MAP3K15: variants seen among roughly 807,000 people sequenced by gnomAD.
The protein encoded by MAP3K15 is MAPK/ERK kinase kinase 15.
Under a neutral mutation model 99.5 loss-of-function variants are expected in MAP3K15, and 124 were observed. The observed-to-expected ratio is 1.25, with a 90% CI of 1.08 to 1.45. MAP3K15 has a LOEUF of 1.45. Among genes scored for constraint, MAP3K15 ranks in the 40% most tolerant of loss-of-function variants. MAP3K15 has a pLI of 0.00. For missense variants in MAP3K15, 1,242 were observed against 1,079.7 expected (o/e 1.15, Z -2.11); for synonymous variants, 494 against 439.6 (o/e 1.12, Z -1.55).
In MAP3K15 at chrX:19,362,857, T is replaced by TA. The variant is rs34487219; in HGVS notation, c.3567-8dup. ...AACTAGGTGTTCCAAAAGTCTGGTT[T>TA]AAAAAAAAAAAAAAAAAGCCATTAT... On this transcript the variant is annotated splice_region_variant and splice_polypyrimidine_tract_variant and intron_variant, in intron 25 of 28. Transcript: ENST00000338883. The TA allele has an allele frequency of 0.018, 13,967 of 765,947 alleles. 1 individual carries two copies. Among genetic ancestry groups the TA allele is most frequent in the Non-Finnish European group, 0.022 (11,825 of 537,981 alleles). The allele number at this position is 765,947 out of a possible 1,213,427, so 63.1% of individuals were successfully genotyped here. A position where few individuals can be genotyped will look rare whatever the true frequency, so the allele number is the denominator to read the frequency against.
At chrX:19,374,298 G>T (rs1166177544) in intron 20 of MAP3K15, among the ~76,000 whole-genome samples, 179 bp downstream of exon 20, 2 of 111,535 alleles carry the variant, frequency 1.8e-5, no homozygotes, top group Non-Finnish European at 3.8e-5. Context: ...TGTATTAGTT[G>T]GATTTTGACA....
At chrX:19,474,314 G>A (rs991793615) in intron 3 of MAP3K15, among the ~76,000 whole-genome samples, 1 of 111,167 alleles carries the variant, frequency 9.0e-6, no homozygotes, top group African/African-American at 3.3e-5. Context: ...GAGGGCCAAG[G>A]ATTGAATTCC....
chrX:19,495,744 G>A (rs182109192), intron 1 of MAP3K15, among the ~76,000 whole-genome samples: 1 of 111,570 alleles, frequency 9.0e-6, no homozygotes, highest in Admixed American at 9.6e-5. Flanking sequence ...TTCATCTTTT[G>A]CAAATACATA....
intron 1 of MAP3K15, among the ~76,000 whole-genome samples, chrX:19,489,578 G>C (rs1246587782): frequency 3.6e-5 from 4 of 111,038 alleles, no homozygotes; most frequent in Non-Finnish European, 7.5e-5. Flanking sequence ...TCATAAATTG[G>C]ATTAGTGCAC....
intron 6 of MAP3K15, among the ~76,000 whole-genome samples, chrX:19,447,149 C>T (rs982893343): frequency 1.8e-5 from 2 of 111,194 alleles, no homozygotes; most frequent in Non-Finnish European, 3.8e-5. Flanking sequence ...GACTCCTGAC[C>T]TCAGGAGTTG....
intron 13 of MAP3K15, among the ~76,000 whole-genome samples, chrX:19,405,793 G>A: frequency 8.9e-6 from 1 of 112,283 alleles, no homozygotes; most frequent in Non-Finnish European, 1.9e-5. Context: ...TATGCATAGA[G>A]CGAGAATGTA....
intron 2 of MAP3K15, among the ~76,000 whole-genome samples, chrX:19,488,245 G>A (rs999285954): frequency 8.9e-6 from 1 of 111,816 alleles, no homozygotes; most frequent in Non-Finnish European, 1.9e-5. Flanking sequence ...ACCCAAAAAA[G>A]CTTGTCTCAA....
intron 19 of MAP3K15, among the ~76,000 whole-genome samples, chrX:19,377,637 C>G (rs776655850): frequency 8.9e-6 from 1 of 112,281 alleles, no homozygotes; most frequent in South Asian, 3.7e-4. Context: ...TCGAGCCAGT[C>G]ACAGCCTTCA....
intron 9 of MAP3K15, among the ~76,000 whole-genome samples, chrX:19,416,918 T>C (rs1199726902): frequency 8.9e-6 from 1 of 111,960 alleles, no homozygotes; most frequent in African/African-American, 3.2e-5. Flanking sequence ...AATTTCAAAC[T>C]CATTTTCTTT....
At chrX:19,455,091 G>C (rs1234887376) in intron 6 of MAP3K15, among the ~76,000 whole-genome samples, 1 of 111,317 alleles carries the variant, frequency 9.0e-6, no homozygotes, top group East Asian at 2.8e-4. Context: ...CAATCCCATA[G>C]AAAATCCTTA....
intron 11 of MAP3K15, among the ~76,000 whole-genome samples, chrX:19,412,533 C>T (rs910217060): frequency 2.7e-5 from 3 of 110,617 alleles, no homozygotes; most frequent in Admixed American, 9.6e-5. Flanking sequence ...CAGGAGCTCC[C>T]GCAGGGACAG....
chrX:19,430,506 G>A (rs1364187026), intron 7 of MAP3K15, among the ~76,000 whole-genome samples: 2 of 111,990 alleles, frequency 1.8e-5, no homozygotes, highest in East Asian at 2.8e-4. Context: ...ATTGCTGTTC[G>A]AAGCTGCTAA....
intron 10 of MAP3K15, chrX:19,414,479 T>C (rs888598293): frequency 1.5e-5 from 2 of 133,868 alleles, no homozygotes; most frequent in African/African-American, 6.4e-5. Context: ...AACACAATTA[T>C]CTGAAGTTCA....
Position 19,459,996 on chromosome X carries a change from G to T in MAP3K15, c.877C>A (p.Arg293Ser). Residue 293 changes from arginine to serine, a missense_variant, in exon 5 of 29, where the codon CGT becomes AGT. Coordinates refer to ENST00000338883, the MANE Select transcript of MAP3K15 (RefSeq NM_001001671.4). ...DIIINLLLSYRDIQDYDAMVK... is the reference protein window; with the variant it reads ...DIIINLLLSYSDIQDYDAMVK... ...GGTGGATTTCATACCTGGATATCAC[G>T]GTAGGACAGGAGTAAGTTAATGATG... is the stretch of plus-strand genomic sequence containing the variant. 1 of 1,157,890 alleles carries T rather than the reference G, an allele frequency of 8.6e-7. No homozygotes were observed. Among genetic ancestry groups the T allele is most frequent in the Non-Finnish European group, 1.1e-6 (1 of 873,257 alleles).
intron 1 of MAP3K15, among the ~76,000 whole-genome samples, chrX:19,509,921 T>C (rs1277902363): frequency 3.6e-5 from 4 of 111,604 alleles, no homozygotes; most frequent in Non-Finnish European, 1.9e-5. Flanking sequence ...CAATCACCAC[T>C]GATCCCATGG....
intron 3 of MAP3K15, among the ~76,000 whole-genome samples, chrX:19,478,210 G>T (rs1380480880): frequency 1.4e-5 from 1 of 71,674 alleles, no homozygotes; most frequent in African/African-American, 5.8e-5. Flanking sequence ...GAGAGAAAGA[G>T]GGAGGGAGAG....
chrX:19,485,849 A>C (rs1301679541), intron 3 of MAP3K15, among the ~76,000 whole-genome samples: 2 of 111,455 alleles, frequency 1.8e-5, no homozygotes, highest in Non-Finnish European at 3.8e-5. Flanking sequence ...AGTGCACTCA[A>C]GGGTACAGGA....
chrX:19,457,021 T>C lies in MAP3K15; in HGVS notation c.889-2A>G, dbSNP rs754251805. Reference sequence around the variant, plus strand: ...CAGCTTCACCATCGCATCATAGTCCTGTTGGCAAGAGGTCCCAAAGTGAGC... The same window carrying C: ...CAGCTTCACCATCGCATCATAGTCCCGTTGGCAAGAGGTCCCAAAGTGAGC... On this transcript the variant is annotated splice_acceptor_variant, in intron 5 of 28. Coordinates refer to ENST00000338883, the MANE Select transcript of MAP3K15 (RefSeq NM_001001671.4). LOFTEE classifies it high-confidence loss of function. The C allele has an allele frequency of 8.8e-5, 104 of 1,175,348 alleles. No homozygotes were observed. The highest frequency in any genetic ancestry group is 1.2e-4 in the Non-Finnish European group (101 of 874,766).
chrX:19,512,706 G>A (rs774562506), intron 1 of MAP3K15, among the ~76,000 whole-genome samples: 183 of 85,768 alleles, frequency 2.1e-3, no homozygotes, highest in African/African-American at 8.0e-3. Flanking sequence ...CAATCCTCCC[G>A]CCTTGGCCTT....
Sources: gnomAD v4.1 joint callset for allele counts (sites outside exome capture counted in the v4.1 genomes callset) on GRCh38, gnomAD v4.1.1 for gene constraint, MANE v1.5 for transcripts, NCBI Gene and HGNC (gene_info 2026-07-23, HGNC 2026-07-21) for gene names.